Variants in ASIC2 observed in about 807,000 individuals in gnomAD.
ASIC2 encodes acid sensing ion channel subunit 2, also known as acid-sensing ion channel 2.
ASIC2 carries 25 observed loss-of-function variants against 57.3 expected under a neutral mutation model. The ratio of observed to expected loss-of-function variants is 0.44; its 90% confidence interval spans 0.32 to 0.61. The LOEUF is 0.61. ASIC2 is among the 20% of genes least tolerant of loss of function. The pLI is 0.06. For missense variants in ASIC2, 641 were observed against 738.1 expected, an observed-to-expected ratio of 0.87 and a Z score of 1.52; for synonymous variants, 319 against 307.5, an observed-to-expected ratio of 1.04 and a Z score of -0.39.
chr17:33,235,546 TAGGAA>T (rs1238148586), intron 1 of ASIC2, among the ~76,000 whole-genome samples: 1 of 152,160 alleles, frequency 6.6e-6, no homozygotes, highest in African/African-American at 2.4e-5. Flanking sequence ...ACATGCAGAC[TAGGAA>T]AGCCCGTGGG....
chr17:33,711,790 T>C (rs1909044417), intron 1 of ASIC2, among the ~76,000 whole-genome samples: 1 of 152,020 alleles, frequency 6.6e-6, no homozygotes. Context: ...TCCAATCACC[T>C]CCCACCAGGC....
intron 1 of ASIC2, among the ~76,000 whole-genome samples, chr17:33,796,558 C>T (rs969014000): frequency 2.0e-5 from 3 of 152,100 alleles, no homozygotes; most frequent in African/African-American, 7.2e-5. Context: ...AATGTAAAGG[C>T]TAAAACTGTA....
intron 1 of ASIC2, chr17:34,038,954 T>C: frequency 3.1e-6 from 5 of 1,613,436 alleles, no homozygotes; most frequent in Non-Finnish European, 4.2e-6. Context: ...CTCAGTAAAT[T>C]TGGCTCCGTG....
chr17:33,511,039 T>G (rs1914415610), intron 1 of ASIC2, among the ~76,000 whole-genome samples: 2 of 152,184 alleles, frequency 1.3e-5, no homozygotes. Flanking sequence ...TTTATATTAG[T>G]GTAGCGAACA....
At chr17:33,537,569 C>G (rs1432797771) in intron 1 of ASIC2, among the ~76,000 whole-genome samples, 1 of 152,114 alleles carries the variant, frequency 6.6e-6, no homozygotes, top group Admixed American at 6.5e-5. Flanking sequence ...GCTCAATATG[C>G]CTACTGCTAA....
At chr17:33,577,406 A>C in intron 1 of ASIC2, among the ~76,000 whole-genome samples, 1 of 152,154 alleles carries the variant, frequency 6.6e-6, no homozygotes, top group East Asian at 1.9e-4. Context: ...GTAAAGGAAG[A>C]GGAGCGGCGA....
At chr17:33,385,709 G>T (rs1346881387) in intron 1 of ASIC2, among the ~76,000 whole-genome samples, 1 of 152,176 alleles carries the variant, frequency 6.6e-6, no homozygotes, top group Non-Finnish European at 1.5e-5. Flanking sequence ...AGGAAGCTTT[G>T]CCTGGTGAAG....
chr17:33,992,538 A>C (rs772329824), intron 1 of ASIC2, among the ~76,000 whole-genome samples: 1 of 152,104 alleles, frequency 6.6e-6, no homozygotes, highest in Non-Finnish European at 1.5e-5. Context: ...TGCTTACCTT[A>C]AGGGTGCGGG....
chr17:33,845,440 G>C lies in ASIC2; in HGVS notation c.555+310538C>G, dbSNP rs567402824. Among the ~76,000 whole-genome samples, 37 of 152,236 alleles carry C rather than the reference G, an allele frequency of 2.4e-4. No homozygotes were observed. In the South Asian group the frequency reaches 7.7e-3, roughly 32 times the overall value. On this transcript the variant is annotated intron_variant, in intron 1 of 9. Transcript: ENST00000359872. ...TTGAACTTGGAGGTATGCAGTGGGT[G>C]GTAAGAGAGCAGCCTTGAATGAAAG...
chr17:33,280,779 T>C (rs1007918399), intron 1 of ASIC2, among the ~76,000 whole-genome samples: 1 of 152,238 alleles, frequency 6.6e-6, no homozygotes, highest in Non-Finnish European at 1.5e-5. Flanking sequence ...TAATTTTCTC[T>C]GTGAGACTGT....
intron 1 of ASIC2, among the ~76,000 whole-genome samples, chr17:33,447,208 C>T (rs934502099): frequency 1.3e-5 from 2 of 152,086 alleles, no homozygotes; most frequent in African/African-American, 2.4e-5. Flanking sequence ...TGCAATTGAA[C>T]GGTAGTGGGG....
chr17:33,597,797 T>C (rs1351639356), intron 1 of ASIC2, among the ~76,000 whole-genome samples: 1 of 152,200 alleles, frequency 6.6e-6, no homozygotes, highest in African/African-American at 2.4e-5. Context: ...TCAGGAGGGA[T>C]AGTTTTAGAA....
chr17:34,151,627 A>G (rs1904529692), intron 1 of ASIC2, among the ~76,000 whole-genome samples: 1 of 152,150 alleles, frequency 6.6e-6, no homozygotes, highest in Non-Finnish European at 1.5e-5. Flanking sequence ...GAGCACAGAG[A>G]AAAGTGAAAG....
intron 1 of ASIC2, among the ~76,000 whole-genome samples, chr17:33,697,995 G>T (rs1361375756): frequency 6.6e-6 from 1 of 152,336 alleles, no homozygotes; most frequent in South Asian, 2.1e-4. Context: ...TGTTGATTAA[G>T]ACCGGTTGAG....
intron 1 of ASIC2, among the ~76,000 whole-genome samples, chr17:33,395,863 C>A (rs912564315): frequency 1.3e-5 from 2 of 152,034 alleles, no homozygotes; most frequent in African/African-American, 2.4e-5. Context: ...TTTGACCATA[C>A]TTCTTAACCT....
chr17:33,262,183 T>A (rs1909311098), intron 1 of ASIC2, among the ~76,000 whole-genome samples: 1 of 152,210 alleles, frequency 6.6e-6, no homozygotes, highest in South Asian at 2.1e-4. Context: ...CACCTGTCCC[T>A]GGAAACAGGC....
intron 1 of ASIC2, among the ~76,000 whole-genome samples, chr17:33,748,765 T>C (rs1270867923): frequency 6.6e-6 from 1 of 152,236 alleles, no homozygotes; most frequent in Non-Finnish European, 1.5e-5. Flanking sequence ...GGCTTCATAA[T>C]GTCCTTTCTT....
chr17:33,174,820 G>A (rs1005510558), intron 1 of ASIC2, among the ~76,000 whole-genome samples: 6 of 152,148 alleles, frequency 3.9e-5, no homozygotes, highest in African/African-American at 9.7e-5. Context: ...GACATGTAAC[G>A]TGAGCAAGAA....
At chr17:33,613,899 T>A (rs1185450683) in intron 1 of ASIC2, among the ~76,000 whole-genome samples, 1 of 152,166 alleles carries the variant, frequency 6.6e-6, no homozygotes, top group African/African-American at 2.4e-5. Flanking sequence ...ATATTGTTTG[T>A]TCGTTTATTT....
Sources: allele counts gnomAD v4.1 joint callset (sites outside exome capture counted in the v4.1 genomes callset), GRCh38; gene constraint gnomAD v4.1.1; transcripts MANE v1.5; gene names NCBI Gene and HGNC (gene_info 2026-07-23, HGNC 2026-07-21).